NBAS: variants seen among roughly 807,000 people sequenced by gnomAD.
NBAS encodes the protein NAG/BC035112 fusion.
Under a neutral mutation model 302.5 loss-of-function variants are expected in NBAS, and 219 were observed. That is an observed-to-expected ratio of 0.72 (90% CI 0.65 to 0.81). NBAS has a LOEUF of 0.81. NBAS is among the 30% of genes least tolerant of loss of function. The pLI, the probability that NBAS is intolerant of heterozygous loss-of-function variation, is 0.00. For missense variants in NBAS, 2,932 were observed against 2,841.6 expected (o/e 1.03, Z -0.72); for synonymous variants, 1,118 against 1,021.6 (o/e 1.09, Z -1.80).
chr2:15,531,387 T>C (rs1451917374), intron 9 of NBAS, among the ~76,000 whole-genome samples: 3 of 152,152 alleles, frequency 2.0e-5, no homozygotes, highest in Admixed American at 1.3e-4. Flanking sequence ...CGTACCACCC[T>C]GAATGCACCT....
intron 25 of NBAS, among the ~76,000 whole-genome samples, chr2:15,411,072 TC>T (rs1383653877): frequency 1.3e-5 from 2 of 152,116 alleles, no homozygotes; most frequent in Non-Finnish European, 2.9e-5. Context: ...GTACCCCTCC[TC>T]GGTGGATGGC....
intron 11 of NBAS, among the ~76,000 whole-genome samples, chr2:15,492,844 G>A (rs1211985946): frequency 3.3e-5 from 5 of 152,152 alleles, no homozygotes; most frequent in Admixed American, 3.3e-4. Context: ...AGTAACTGTG[G>A]ACCAAAATCT....
At chr2:14,821,177 C>T in the NBAS span, among the ~76,000 whole-genome samples, 6 of 152,156 alleles carry the variant, frequency 3.9e-5, no homozygotes, top group Non-Finnish European at 8.8e-5. Flanking sequence ...CCGCCCGCCT[C>T]GCCTCCCGAA....
the NBAS span, among the ~76,000 whole-genome samples, chr2:14,951,823 T>C: frequency 1.3e-5 from 2 of 152,266 alleles, no homozygotes; most frequent in South Asian, 4.1e-4. Flanking sequence ...GGCAGAAAGG[T>C]ACATGTGTGT....
the NBAS span, among the ~76,000 whole-genome samples, chr2:15,036,887 G>A: frequency 6.6e-6 from 1 of 152,080 alleles, no homozygotes; most frequent in Non-Finnish European, 1.5e-5. Context: ...GGAGGGGCCT[G>A]GGCAGGATGG....
intron 35 of NBAS, among the ~76,000 whole-genome samples, chr2:15,332,540 A>G (rs955196664): frequency 4.0e-5 from 6 of 148,860 alleles, no homozygotes; most frequent in African/African-American, 1.5e-4. Context: ...TTGGTCATGC[A>G]AAAAAAAAAT....
At chr2:15,542,437 G>C (rs1461457556) in intron 6 of NBAS, among the ~76,000 whole-genome samples, 28 of 128,058 alleles carry the variant, frequency 2.2e-4, no homozygotes, top group African/African-American at 7.2e-4. Flanking sequence ...CAGCATGCTC[G>C]TTAAGAGTCA....
chr2:15,496,236 C>G (rs1558389739), intron 11 of NBAS, among the ~76,000 whole-genome samples: 1 of 151,906 alleles, frequency 6.6e-6, no homozygotes, highest in African/African-American at 2.4e-5. Flanking sequence ...CACAATGGAC[C>G]ACATATTTTA....
At chr2:15,325,362 AT>A (rs1228009230) in intron 38 of NBAS, among the ~76,000 whole-genome samples, 3 of 150,370 alleles carry the variant, frequency 2.0e-5, no homozygotes, top group African/African-American at 7.4e-5. Context: ...ATATATCTTA[AT>A]TTAAAAATCC....
chr2:15,546,438 G>A (rs533782012), intron 6 of NBAS, among the ~76,000 whole-genome samples: 3 of 152,254 alleles, frequency 2.0e-5, no homozygotes, highest in Admixed American at 6.5e-5. Flanking sequence ...TTCAAAGTCT[G>A]GGTGTTTCAG....
chr2:14,905,299 G>A, the NBAS span, among the ~76,000 whole-genome samples: 4 of 152,224 alleles, frequency 2.6e-5, no homozygotes, highest in African/African-American at 9.6e-5. Context: ...ATTAAATGGA[G>A]TAACTCTAGT....
rs1223398918 is a variant in NBAS, at chr2:15,475,994, T to A, written c.1148-114A>T. 9.3e-6 allele frequency: 7 copies of A among 753,960 alleles called. No individual in the cohort carries two copies. The African/African-American group carries it at 1.2e-4, about 13-fold the overall frequency. 46.7% of individuals were successfully genotyped at this position (753,960 alleles called of 1,614,324 possible). A position where few individuals can be genotyped will look rare whatever the true frequency, so the allele number is the denominator to read the frequency against. ...AAATTTATCTACATTATTTGGGCCC[T>A]AATGGTATGTTAAATAATAAGAAAA... is the stretch of plus-strand genomic sequence containing the variant. On this transcript the variant is annotated intron_variant, in intron 13 of 51. Transcript: ENST00000281513.
intron 23 of NBAS, among the ~76,000 whole-genome samples, chr2:15,418,032 CATA>C (rs1392059254): frequency 2.6e-5 from 4 of 151,984 alleles, no homozygotes; most frequent in South Asian, 4.1e-4. Flanking sequence ...ATTATATTTA[CATA>C]ATAAGAGAAA....
intron 21 of NBAS, among the ~76,000 whole-genome samples, chr2:15,434,106 CAG>C (rs982134250): frequency 1.3e-5 from 2 of 151,942 alleles, no homozygotes; most frequent in Non-Finnish European, 2.9e-5. Context: ...GCCTGGATGA[CAG>C]AGAGAGACTG....
rs2058869 is a variant in NBAS at position 15,539,576 on chromosome 2, T to C, written c.380-220A>G. On this transcript the variant is annotated intron_variant, in intron 6 of 51. Coordinates refer to ENST00000281513, the MANE Select transcript of NBAS (RefSeq NM_015909.4). ...CACTGCAACTATGCCCTATTTATTT[T>C]AGAAGCAAAGTCTACTGATGCATGG... 0.64 allele frequency among the ~76,000 whole-genome samples: 96,942 copies of C among 151,992 alleles called. 31,643 individuals are homozygous for C. The highest frequency in any genetic ancestry group is 0.68 in the Non-Finnish European group (46,038 of 67,974).
the NBAS span, among the ~76,000 whole-genome samples, chr2:14,815,233 C>T: frequency 2.6e-5 from 4 of 152,280 alleles, no homozygotes; most frequent in East Asian, 5.8e-4. Context: ...AGCTATAAGG[C>T]TTAGGGCATG....
downstream of NBAS, among the ~76,000 whole-genome samples, chr2:15,166,697 C>T (rs920957551): frequency 2.0e-5 from 3 of 152,186 alleles, no homozygotes; most frequent in Non-Finnish European, 2.9e-5. Flanking sequence ...GCCAGGCATT[C>T]TGCACACTCC....
At chr2:15,137,161 C>T in the NBAS span, among the ~76,000 whole-genome samples, 1 of 152,300 alleles carries the variant, frequency 6.6e-6, no homozygotes, top group South Asian at 2.1e-4. Context: ...CTGCCTTCAC[C>T]TTGGACTTTC....
chr2:15,256,431 C>T (rs1668596370), intron 44 of NBAS, among the ~76,000 whole-genome samples: 1 of 152,048 alleles, frequency 6.6e-6, no homozygotes, highest in Non-Finnish European at 1.5e-5. Flanking sequence ...ATTTACAAGA[C>T]CTAGAAGCTT....
Sources: gnomAD v4.1 joint callset for allele counts (sites outside exome capture counted in the v4.1 genomes callset) on GRCh38, gnomAD v4.1.1 for gene constraint, MANE v1.5 for transcripts, NCBI Gene and HGNC (gene_info 2026-07-23, HGNC 2026-07-21) for gene names.